The following KNTC1 variants were observed in gnomAD, a reference collection of about 807,000 sequenced individuals.
KNTC1 encodes the protein kinetochore-associated protein 1.
A neutral mutation model predicts 314.4 loss-of-function variants in KNTC1; 253 were observed. That is an observed-to-expected ratio of 0.80 (90% confidence interval 0.73 to 0.89). The LOEUF (loss-of-function observed/expected upper bound fraction) is 0.89. KNTC1 is among the 40% of genes least tolerant of loss of function. The pLI, the probability that KNTC1 is intolerant of heterozygous loss-of-function variation, is 0.00. For synonymous variants in KNTC1, 901 were observed against 901.4 expected (o/e 1.00, Z 0.01); for missense variants, 2,475 against 2,572.9 (o/e 0.96, Z 0.82).
intron 5 of KNTC1, among the ~76,000 whole-genome samples, chr12:122,541,278 TGCCTG>T: frequency 8.5e-6 from 1 of 117,318 alleles, no homozygotes; most frequent in South Asian, 2.7e-4. Flanking sequence ...CCTGCCTGCC[TGCCTG>T]CCTGCCTTCC....
At chr12:122,606,446 G>C (rs1260043253) in intron 51 of KNTC1, among the ~76,000 whole-genome samples, 1 of 152,014 alleles carries the variant, frequency 6.6e-6, no homozygotes, top group East Asian at 1.9e-4. Flanking sequence ...TTGAACTCCC[G>C]ACCTCAGGTG....
Position 122,622,510 on chromosome 12 carries a change from A to G in KNTC1, c.6418A>G (p.Ile2140Val). The G allele has an allele frequency of 6.3e-7, 1 of 1,582,770 alleles. No homozygotes were observed. Among genetic ancestry groups the G allele is most frequent in the Non-Finnish European group, 8.6e-7 (1 of 1,162,516 alleles). Residue 2140 changes from isoleucine to valine, a missense_variant, in exon 62 of 64, where the codon ATT (isoleucine) becomes GTT (valine). Coordinates refer to ENST00000333479, the MANE Select transcript of KNTC1 (RefSeq NM_014708.6). ...NNIINKKEFG[I>V]LAKTKYFQML... ...TATCATCAATAAGAAGGAGTTTGGG[A>G]TTTTGGCAAAGACCAAATACTTTCA...
intron 2 of KNTC1, among the ~76,000 whole-genome samples, chr12:122,531,820 GCCT>G (rs1452076112): frequency 6.6e-6 from 1 of 150,578 alleles, no homozygotes; most frequent in Admixed American, 6.6e-5. Context: ...TGCAAGCTCT[GCCT>G]CCCAGGTTCA....
At chr12:122,625,680 ACATAGGATCAC>A (rs1874960486) in intron 63 of KNTC1, among the ~76,000 whole-genome samples, 1 of 152,182 alleles carries the variant, frequency 6.6e-6, no homozygotes, top group Non-Finnish European at 1.5e-5. Flanking sequence ...CACTACCCAG[ACATAGGATCAC>A]TGTTAACATT....
chr12:122,564,619 C>G (rs1964183753), intron 20 of KNTC1, among the ~76,000 whole-genome samples: 1 of 152,018 alleles, frequency 6.6e-6, no homozygotes, highest in Non-Finnish European at 1.5e-5. Flanking sequence ...CAGATGTGCA[C>G]CACCACATCT....
chr12:122,590,186 G>C (rs1253595329), intron 40 of KNTC1, among the ~76,000 whole-genome samples: 1 of 151,924 alleles, frequency 6.6e-6, no homozygotes, highest in Non-Finnish European at 1.5e-5. Flanking sequence ...TTTCTGGCAT[G>C]CTCTTTCTCT....
At chr12:122,592,467 A>G (rs1366350464) in intron 42 of KNTC1, among the ~76,000 whole-genome samples, 1 of 152,206 alleles carries the variant, frequency 6.6e-6, no homozygotes, top group East Asian at 1.9e-4. Flanking sequence ...GGGATCCACT[A>G]GGTGAAGCCA....
intron 16 of KNTC1, among the ~76,000 whole-genome samples, chr12:122,554,072 A>AC (rs1214945831): frequency 1.6e-4 from 10 of 64,020 alleles, no homozygotes; most frequent in Non-Finnish European, 2.9e-4. Context: ...CTTAAAAAAA[A>AC]AAAAATATAT....
chr12:122,554,076 A>AAAAAAAATATATATATATAT (rs370146333), intron 16 of KNTC1, among the ~76,000 whole-genome samples: 9 of 109,044 alleles, frequency 8.3e-5, no homozygotes, highest in African/African-American at 1.6e-4. Context: ...AAAAAAAAAA[A>AAAAAAAATATATATATATAT]ATATATATAT....
At chr12:122,560,789 T>C (rs1963917842) in intron 18 of KNTC1, among the ~76,000 whole-genome samples, 1 of 152,212 alleles carries the variant, frequency 6.6e-6, no homozygotes, top group Admixed American at 6.5e-5. Flanking sequence ...CTAACACTTT[T>C]TGTTTTTGAG....
Position 122,569,758 on chromosome 12 carries a change from A to G in KNTC1, c.1794A>G (p.Gln598=), listed in dbSNP as rs1474008252. 4.3e-6 allele frequency: 7 copies of G among 1,613,786 alleles called. No individual in the cohort carries two copies. The highest frequency in any genetic ancestry group is 5.9e-6 in the Non-Finnish European group (7 of 1,179,832). Residue 598 remains glutamine, a synonymous_variant, in exon 22 of 64, where the codon CAA becomes CAG. Coordinates refer to ENST00000333479, the MANE Select transcript of KNTC1 (RefSeq NM_014708.6). ...LNSMSASVSL[Q]KLCPWFKNDV... is the part of the protein sequence containing the mutation. ...CAATGTCTGCATCAGTCTCTTTGCAAAAGCTGTGTCCATGGTTTAAAAATG... is the reference window on the plus strand; with the variant it reads ...CAATGTCTGCATCAGTCTCTTTGCAGAAGCTGTGTCCATGGTTTAAAAATG...
chr12:122,618,449 T>C (rs773274140), intron 58 of KNTC1, 33 bp from the exon 59 acceptor site: 1 of 1,608,564 alleles, frequency 6.2e-7, no homozygotes, highest in Admixed American at 1.7e-5. Flanking sequence ...TGAGTGTGTG[T>C]ATATCATGGT....
Position 122,586,700 on chromosome 12 carries a change from GA to G in KNTC1, c.3676del (p.Ser1226AlafsTer27). 1 of 1,449,846 alleles carries G rather than the reference GA, an allele frequency of 6.9e-7. No individual in the cohort carries two copies. Among genetic ancestry groups the G allele is most frequent in the South Asian group, 1.6e-5 (1 of 64,472 alleles). The allele number at this position is 1,449,846 out of a possible 1,614,324, so 89.8% of individuals were successfully genotyped here. ...ELISSLVPLAESKRYPLESTS... is the reference protein window; with the variant it reads ...ELISSLVPLAXSKRYPLESTS... Reference sequence around the variant, plus strand: ...GTTTAATGTTTTATTATCTTTTGTAGAAAGCAAGAGATATCCCTTGGAGTCT... The same window carrying G: ...GTTTAATGTTTTATTATCTTTTGTAGAAGCAAGAGATATCCCTTGGAGTCT... On this transcript the variant is annotated frameshift_variant and splice_region_variant, in exon 38 of 64. Coordinates refer to ENST00000333479, the MANE Select transcript of KNTC1 (RefSeq NM_014708.6). LOFTEE classifies it high-confidence loss of function.
intron 16 of KNTC1, among the ~76,000 whole-genome samples, chr12:122,553,160 G>GA (rs373313055): frequency 0.14 from 18,937 of 134,318 alleles, 1,529 homozygotes; most frequent in African/African-American, 0.23. Context: ...CTGTCTCAGG[G>GA]AAAAAAAAAA....
At chr12:122,557,303 C>A in intron 16 of KNTC1, 81 bp from the exon 17 acceptor site, 1 of 1,356,618 alleles carries the variant, frequency 7.4e-7, no homozygotes, top group Non-Finnish European at 1.0e-6. Context: ...TAGTTTGTTT[C>A]ACTCAGCTTA....
At chr12:122,589,731 TGAAATGC>T (rs1166387087) in intron 40 of KNTC1, among the ~76,000 whole-genome samples, 1 of 151,336 alleles carries the variant, frequency 6.6e-6, no homozygotes, top group Admixed American at 6.6e-5. Flanking sequence ...CTTGGTCTCC[TGAAATGC>T]TGAAAGTACA....
chr12:122,533,106 A>G (rs960304943), intron 2 of KNTC1, among the ~76,000 whole-genome samples: 6 of 152,194 alleles, frequency 3.9e-5, no homozygotes, highest in Admixed American at 3.3e-4. Context: ...AGAACAGTCT[A>G]GAGAGAAGAG....
Position 122,603,089 on chromosome 12 carries a change from A to T in KNTC1, c.4947A>T (p.Pro1649=). Residue 1649 remains proline, a synonymous_variant, in exon 48 of 64, where the codon CCA becomes CCT. Coordinates refer to ENST00000333479, the MANE Select transcript of KNTC1 (RefSeq NM_014708.6). The stretch of plus-strand genomic sequence containing the variant: ...ACGTTTTCGAAAAAAAACTGAAGCC[A>T]AAGCTCCTGAAGTTAACACAAGCTA... ...AKHVFEKKLK[P]KLLKLTQAKS... 9 of 1,613,916 alleles carry T rather than the reference A, an allele frequency of 5.6e-6. No individual in the cohort carries two copies. Among genetic ancestry groups the T allele is most frequent in the Non-Finnish European group, 7.6e-6 (9 of 1,179,880 alleles).
At chr12:122,572,831 G>T (rs550499356) in intron 24 of KNTC1, 106 bp from the exon 25 acceptor site, 9 of 907,882 alleles carry the variant, frequency 9.9e-6, no homozygotes, top group South Asian at 3.7e-5. Context: ...TTCCTCTTAC[G>T]TGCATAACCA....
Sources: allele counts gnomAD v4.1 joint callset (sites outside exome capture counted in the v4.1 genomes callset), GRCh38; gene constraint gnomAD v4.1.1; transcripts MANE v1.5; gene names NCBI Gene and HGNC (gene_info 2026-07-23, HGNC 2026-07-21).